TULP4: variants seen among roughly 807,000 people sequenced by gnomAD.
TULP4 encodes TUB like protein 4.
TULP4 carries 16 observed loss-of-function variants against 129.0 expected under a neutral mutation model. That is an observed-to-expected ratio of 0.12 (90% CI 0.08 to 0.19). TULP4 has a LOEUF of 0.19. TULP4 is among the 10% of genes least tolerant of loss of function. TULP4 has a pLI of 1.00. For synonymous variants in TULP4, 998 were observed against 854.0 expected, an observed-to-expected ratio of 1.17 and a Z score of -2.94; for missense variants, 1,842 against 2,059.1, an observed-to-expected ratio of 0.89 and a Z score of 2.04.
Position 158,494,323 on chromosome 6 carries a change from G to A in TULP4, c.1777-430G>A, listed in dbSNP as rs1373667063. Among the ~76,000 whole-genome samples, 3 of 152,154 alleles carry A rather than the reference G, an allele frequency of 2.0e-5. No individual in the cohort carries two copies. In the East Asian group the frequency reaches 5.8e-4, roughly 29 times the overall value. ...TTTGTCCATCTTTATTTTTGCCCTT[G>A]CATACATACCTTAGGCAAAATAATT... On this transcript the variant is annotated intron_variant, in intron 10 of 13. Coordinates refer to ENST00000367097, the MANE Select transcript of TULP4 (RefSeq NM_020245.5).
chr6:158,309,900 C>T (rs1468673634), upstream of TULP4, among the ~76,000 whole-genome samples: 59 of 4,292 alleles, frequency 0.014, 1 homozygote, highest in East Asian at 0.22. Flanking sequence ...AGAGGGAGAC[C>T]GTGGGGAGAG....
intron 13 of TULP4, among the ~76,000 whole-genome samples, chr6:158,505,363 T>C (rs902135758): frequency 1.3e-5 from 2 of 152,258 alleles, no homozygotes; most frequent in African/African-American, 4.8e-5. Flanking sequence ...TGGGCCACTC[T>C]GGCCAGCCGC....
In TULP4 at chr6:158,313,583, A is replaced by G. The variant is rs1779413579; in HGVS notation, c.-434A>G. On this transcript the variant is annotated 5_prime_UTR_variant, in exon 1 of 14. It removes an upstream start codon present in the reference 5' UTR. Transcript: ENST00000367097. ...TAAAGCCTTAAGTTACTTGAAATCT[A>G]TGTATTTGCAACCCTTTGTCTCTGG... 7 of 409,210 alleles carry G rather than the reference A, an allele frequency of 1.7e-5. No homozygotes were observed. Among genetic ancestry groups the G allele is most frequent in the Admixed American group, 4.1e-5 (1 of 24,630 alleles). 25.3% of individuals were successfully genotyped at this position (409,210 alleles called of 1,614,324 possible).
Position 158,452,160 on chromosome 6 carries a change from G to T in TULP4, c.751G>T (p.Val251Leu). 1 of 1,614,184 alleles carries T rather than the reference G, an allele frequency of 6.2e-7. No homozygotes were observed. The highest frequency in any genetic ancestry group is 8.5e-7 in the Non-Finnish European group (1 of 1,180,018). ...QDGPAAYPIPVQNIKPLLTVS... is the reference protein window; with the variant it reads ...QDGPAAYPIPLQNIKPLLTVS... ...TGGTCCGGCAGCATATCCCATCCCA[G>T]TGCAGAACATCAAGCCTCTGCTCAC... The change falls in exon 5 of 14, where the codon GTG (valine) becomes TTG (leucine). Residue 251 changes from valine (V) to leucine (L), a missense_variant. Val to Leu is a conservative substitution (Grantham distance 32). Coordinates refer to ENST00000367097, the MANE Select transcript of TULP4 (RefSeq NM_020245.5).
At chr6:158,473,478 C>G (rs1779737807) in intron 6 of TULP4, among the ~76,000 whole-genome samples, 1 of 152,228 alleles carries the variant, frequency 6.6e-6, no homozygotes, top group Non-Finnish European at 1.5e-5. Flanking sequence ...GTGGCTCCAA[C>G]CAACGTAGTT....
In TULP4 at chr6:158,493,142, G is replaced by C. The variant is rs1780253207; in HGVS notation, c.1632-431G>C. Among the ~76,000 whole-genome samples, 1 of 152,190 alleles carries C rather than the reference G, an allele frequency of 6.6e-6. No homozygotes were observed. The highest frequency in any genetic ancestry group is 2.1e-4 in the South Asian group (1 of 4,838). On this transcript the variant is annotated intron_variant, in intron 9 of 13. Transcript: ENST00000367097. The surrounding 1 kb of genome is among the most constrained non-coding windows in gnomAD (Gnocchi z 4.4). ...GAGAGTGAAAGACAGTTAATTCTTTGAGTTCCTTACAAATGGATCGCTGGA... is the reference window on the plus strand; with the variant it reads ...GAGAGTGAAAGACAGTTAATTCTTTCAGTTCCTTACAAATGGATCGCTGGA...
chr6:158,348,172 G>GT (rs1294845534), intron 1 of TULP4, among the ~76,000 whole-genome samples: 15 of 56,556 alleles, frequency 2.7e-4, no homozygotes, highest in East Asian at 9.0e-4. Flanking sequence ...TTTTTTTTAA[G>GT]GTTTTTTTTT....
intron 1 of TULP4, among the ~76,000 whole-genome samples, chr6:158,372,606 G>A (rs1259121339): frequency 6.6e-6 from 1 of 152,246 alleles, no homozygotes; most frequent in South Asian, 2.1e-4. Context: ...GAGAATCATT[G>A]TTCTTAATAA....
chr6:158,492,079 C>G (rs574106463), intron 9 of TULP4, among the ~76,000 whole-genome samples: 1 of 152,238 alleles, frequency 6.6e-6, no homozygotes, highest in East Asian at 1.9e-4. Context: ...AGGATGGTCT[C>G]AAACTCCTGA....
At chr6:158,355,748 A>G (rs1780632109) in intron 1 of TULP4, among the ~76,000 whole-genome samples, 2 of 152,210 alleles carry the variant, frequency 1.3e-5, no homozygotes, top group Admixed American at 6.5e-5. Context: ...ACAGCCCAGA[A>G]TGACTCTCAA....
chr6:158,424,542 G>A (rs1318390403), intron 2 of TULP4, among the ~76,000 whole-genome samples: 5 of 152,126 alleles, frequency 3.3e-5, no homozygotes, highest in East Asian at 3.9e-4. Context: ...GAGCCACTGC[G>A]CTCAGCCCAT....
intron 1 of TULP4, among the ~76,000 whole-genome samples, chr6:158,331,019 C>T (rs1422968482): frequency 6.6e-6 from 1 of 152,136 alleles, no homozygotes; most frequent in East Asian, 1.9e-4. Flanking sequence ...TAGCTATCTG[C>T]CCCTCATTGG....
chr6:158,295,571 G>A (rs760982131), intron 1 of TULP4, among the ~76,000 whole-genome samples: 22 of 150,334 alleles, frequency 1.5e-4, no homozygotes, highest in South Asian at 2.1e-4. Context: ...TGAACACCCC[G>A]TAACTACCAC....
At chr6:158,491,084 T>C (rs1323415511) in intron 9 of TULP4, among the ~76,000 whole-genome samples, 1 of 152,202 alleles carries the variant, frequency 6.6e-6, no homozygotes, top group African/African-American at 2.4e-5. Context: ...TGTTAAAGTT[T>C]ATTAGAAACT....
At chr6:158,475,926 A>G (rs977551271) in intron 6 of TULP4, among the ~76,000 whole-genome samples, 16 of 152,360 alleles carry the variant, frequency 1.1e-4, no homozygotes, top group Admixed American at 4.6e-4. Flanking sequence ...TTTAAAAAGT[A>G]AGATGACCTG....
At chr6:158,450,030 T>C (rs1490706517) in intron 4 of TULP4, among the ~76,000 whole-genome samples, 1 of 152,214 alleles carries the variant, frequency 6.6e-6, no homozygotes, top group East Asian at 1.9e-4. Flanking sequence ...ACGTTCAATA[T>C]CCTCGTTCTA....
intron 2 of TULP4, chr6:158,428,153 C>T (rs1334665640): frequency 6.6e-6 from 1 of 152,112 alleles, no homozygotes; most frequent in Non-Finnish European, 1.5e-5. Flanking sequence ...AGTACTAGGA[C>T]TATTAAATTG....
upstream of TULP4, among the ~76,000 whole-genome samples, chr6:158,281,497 C>A (rs1344080094): frequency 6.6e-6 from 1 of 152,018 alleles, no homozygotes; most frequent in Admixed American, 6.6e-5. Flanking sequence ...ATTTCCATTC[C>A]GGTTTTTATC....
At chr6:158,321,256 T>C (rs923506908) in intron 1 of TULP4, among the ~76,000 whole-genome samples, 1 of 152,168 alleles carries the variant, frequency 6.6e-6, no homozygotes, top group Non-Finnish European at 1.5e-5. Flanking sequence ...GGTTTTCCTG[T>C]TACTGTTCTG....
Sources: gnomAD v4.1 joint callset for allele counts (sites outside exome capture counted in the v4.1 genomes callset) on GRCh38, gnomAD v4.1.1 for gene constraint, Gnocchi (gnomAD v3.1) non-coding constraint, MANE v1.5 for transcripts, NCBI Gene and HGNC (gene_info 2026-07-23, HGNC 2026-07-21) for gene names.